The following PCDHGB4 variants were observed in gnomAD, a reference collection of about 807,000 sequenced individuals.
PCDHGB4 encodes the protein protocadherin gamma-B4.
Under a neutral mutation model 60.5 loss-of-function variants are expected in PCDHGB4, and 38 were observed. That is an observed-to-expected ratio of 0.63 (90% confidence interval 0.48 to 0.82). The LOEUF is 0.82. Among genes scored for constraint, PCDHGB4 ranks in the 40% least tolerant of loss-of-function variants. The pLI, the probability that PCDHGB4 is intolerant of heterozygous loss-of-function variation, is 0.00. For synonymous variants in PCDHGB4, 456 were observed against 509.7 expected (o/e 0.89, Z 1.42); for missense variants, 1,109 against 1,209.6 (o/e 0.92, Z 1.23).
chr5:141,427,805 A>G lies in PCDHGB4; in HGVS notation c.2397+37524A>G, dbSNP rs1010656936. The G allele has an allele frequency of 3.3e-6, 5 of 1,520,154 alleles. No homozygotes were observed. In the African/African-American group the frequency reaches 4.1e-5, roughly 12 times the overall value. 94.2% of individuals were successfully genotyped at this position (1,520,154 alleles called of 1,614,324 possible). ...TGTCGTCCTACGTGTCCGTGAGCGC[A>G]CAGAGCGGGGTGGTGGTCGCGCAGC... On this transcript the variant is annotated intron_variant, in intron 1 of 3. Coordinates refer to ENST00000519479, the MANE Select transcript of PCDHGB4 (RefSeq NM_003736.4).
intron 1 of PCDHGB4, among the ~76,000 whole-genome samples, chr5:141,437,922 G>A (rs1039507511): frequency 1.3e-5 from 2 of 152,106 alleles, no homozygotes; most frequent in Admixed American, 6.5e-5. Context: ...ATTTTTAGTA[G>A]AGATGGGGTT....
Position 141,485,072 on chromosome 5 carries a change from G to C in PCDHGB4, c.2398-9735G>C. 1.1e-6 allele frequency: 1 copy of C among 917,012 alleles called. No individual in the cohort carries two copies. The highest frequency in any genetic ancestry group is 1.7e-6 in the Non-Finnish European group (1 of 587,880). 56.8% of individuals were successfully genotyped at this position (917,012 alleles called of 1,614,324 possible). On this transcript the variant is annotated intron_variant, in intron 1 of 3. Coordinates refer to ENST00000519479, the MANE Select transcript of PCDHGB4 (RefSeq NM_003736.4). The surrounding 1 kb of genome is among the most constrained non-coding windows in gnomAD (Gnocchi z 5.7). ...CCGGCCGAACCGCGCCAGAGCTGGCGCGGGGAAAGGGAGATAGGTGTCTCC... is the reference window on the plus strand; with the variant it reads ...CCGGCCGAACCGCGCCAGAGCTGGCCCGGGGAAAGGGAGATAGGTGTCTCC...
At position 141,388,709 on chromosome 5, in the gene PCDHGB4, C is replaced by G. The variant is rs370023698; in HGVS notation, c.825C>G (p.Ala275=). Residue 275 remains alanine (A), a synonymous_variant, in exon 1 of 4, where the codon GCC becomes GCG. Coordinates refer to ENST00000519479, the MANE Select transcript of PCDHGB4 (RefSeq NM_003736.4). ...TATDQDEGVN[A]EITFSFSEAS... Reference sequence around the variant, plus strand: ...CGGACCAGGATGAGGGTGTCAATGCCGAGATTACTTTCTCTTTCAGTGAAG... The same window carrying G: ...CGGACCAGGATGAGGGTGTCAATGCGGAGATTACTTTCTCTTTCAGTGAAG... 1.4e-5 allele frequency: 22 copies of G among 1,613,938 alleles called. No individual in the cohort carries two copies. In the Admixed American group the frequency reaches 3.7e-4, roughly 27 times the overall value.
chr5:141,443,317 C>CAAA (rs35054295), intron 1 of PCDHGB4, among the ~76,000 whole-genome samples: 8 of 142,020 alleles, frequency 5.6e-5, no homozygotes, highest in African/African-American at 2.1e-4. Context: ...CCCATCTCTA[C>CAAA]AAAAAAAAAA....
Position 141,486,998 on chromosome 5 carries a change from C to T in PCDHGB4, c.2398-7809C>T. 1.2e-6 allele frequency: 2 copies of T among 1,614,206 alleles called. No individual in the cohort carries two copies. Among genetic ancestry groups the T allele is most frequent in the Non-Finnish European group, 1.7e-6 (2 of 1,180,034 alleles). On this transcript the variant is annotated intron_variant, in intron 1 of 3. Transcript: ENST00000519479. The surrounding 1 kb of genome is among the most constrained non-coding windows in gnomAD (Gnocchi z 5.0). The stretch of plus-strand genomic sequence containing the variant: ...AGGTTACAATGCTTGGGTTTCCTAT[C>T]AGCTCCTGGAGGCCCCAGATCCCAG...
At chr5:141,509,169 T>C (rs1321257504) in intron 3 of PCDHGB4, among the ~76,000 whole-genome samples, 2 of 152,174 alleles carry the variant, frequency 1.3e-5, no homozygotes, top group African/African-American at 4.8e-5. Context: ...TGTGCCCTCC[T>C]CCTCTTATGC....
At position 141,431,245 on chromosome 5, in the gene PCDHGB4, C is replaced by A. The variant is rs761126985; in HGVS notation, c.2397+40964C>A. The A allele has an allele frequency of 5.0e-6, 8 of 1,614,016 alleles. No individual in the cohort carries two copies. In the Admixed American group the frequency reaches 1.2e-4, roughly 24 times the overall value. On this transcript the variant is annotated intron_variant, in intron 1 of 3. Coordinates refer to ENST00000519479, the MANE Select transcript of PCDHGB4 (RefSeq NM_003736.4). This position sits in a 1 kb window ranked among gnomAD's most constrained non-coding sequence, Gnocchi z 4.8. ...TACCCCACGCCTGGGATCCGGATAT[C>A]GGGAAGAACTCTCTGCAGAGCTACG... is the stretch of plus-strand genomic sequence containing the variant.
chr5:141,425,795 T>A (rs2096894407), intron 1 of PCDHGB4, among the ~76,000 whole-genome samples: 1 of 152,244 alleles, frequency 6.6e-6, no homozygotes, highest in Non-Finnish European at 1.5e-5. Flanking sequence ...TTCCAATATG[T>A]GCATTGCTTC....
In PCDHGB4 at chr5:141,388,170, T is replaced by A. The variant is rs756859307; in HGVS notation, c.286T>A (p.Cys96Ser). Residue 96 changes from cysteine to serine, a missense_variant, in exon 1 of 4, where the codon TGC (cysteine) becomes AGC (serine). Cys to Ser is a moderately radical substitution (Grantham distance 112). Coordinates refer to ENST00000519479, the MANE Select transcript of PCDHGB4 (RefSeq NM_003736.4). Reference sequence around the variant, plus strand: ...CAGCAGGCTAGACAGGGAGGAGATATGCGGGAAGAAGCCAGCTTGTGCTCT... The same window carrying A: ...CAGCAGGCTAGACAGGGAGGAGATAAGCGGGAAGAAGCCAGCTTGTGCTCT... ...VSSRLDREEI[C>S]GKKPACALEF... 1 of 1,495,754 alleles carries A rather than the reference T, an allele frequency of 6.7e-7. No individual in the cohort carries two copies. The highest frequency in any genetic ancestry group is 2.3e-5 in the East Asian group (1 of 43,584). The allele number at this position is 1,495,754 out of a possible 1,614,324, so 92.7% of individuals were successfully genotyped here. A position where few individuals can be genotyped will look rare whatever the true frequency, so the allele number is the denominator to read the frequency against.
At position 141,431,209 on chromosome 5, in the gene PCDHGB4, G is replaced by C; in HGVS notation, c.2397+40928G>C. Reference sequence around the variant, plus strand: ...TTAGTGAAAATGCAGCCACTGAGATGCGGTTCCCTCTACCCCACGCCTGGG... The same window carrying C: ...TTAGTGAAAATGCAGCCACTGAGATCCGGTTCCCTCTACCCCACGCCTGGG... On this transcript the variant is annotated intron_variant, in intron 1 of 3. Coordinates refer to ENST00000519479, the MANE Select transcript of PCDHGB4 (RefSeq NM_003736.4). The surrounding 1 kb of genome is among the most constrained non-coding windows in gnomAD (Gnocchi z 4.8). 6.2e-7 allele frequency: 1 copy of C among 1,614,190 alleles called. No homozygotes were observed. Among genetic ancestry groups the C allele is most frequent in the Non-Finnish European group, 8.5e-7 (1 of 1,180,038 alleles).
chr5:141,487,314 A>G lies in PCDHGB4; in HGVS notation c.2398-7493A>G. ...GGCTCATTCGTGGCACTACTCTCTAAGTGTCTTCGTGGGGCAGCCTGTGGA... is the reference window on the plus strand; with the variant it reads ...GGCTCATTCGTGGCACTACTCTCTAGGTGTCTTCGTGGGGCAGCCTGTGGA... On this transcript the variant is annotated intron_variant, in intron 1 of 3. Transcript: ENST00000519479. The surrounding 1 kb of genome is among the most constrained non-coding windows in gnomAD (Gnocchi z 5.0). The G allele has an allele frequency of 6.2e-7, 1 of 1,614,002 alleles. No individual in the cohort carries two copies. Among genetic ancestry groups the G allele is most frequent in the African/African-American group, 1.3e-5 (1 of 74,994 alleles).
intron 1 of PCDHGB4, chr5:141,393,417 A>C: frequency 6.2e-7 from 1 of 1,614,032 alleles, no homozygotes; most frequent in Non-Finnish European, 8.5e-7. Context: ...CGCCCTGGAC[A>C]GGGAGGAAGA....
chr5:141,416,169 TAA>T (rs1350204040), intron 1 of PCDHGB4: 1 of 152,706 alleles, frequency 6.5e-6, no homozygotes, highest in African/African-American at 2.4e-5. Flanking sequence ...TTGAATATAC[TAA>T]GTTTTTCATT....
chr5:141,473,975 G>T (rs188916402), intron 1 of PCDHGB4, among the ~76,000 whole-genome samples: 1 of 152,104 alleles, frequency 6.6e-6, no homozygotes, highest in Non-Finnish European at 1.5e-5. Flanking sequence ...AGTCTGAGGC[G>T]GGAGGATCCC....
rs753702657 is a variant in PCDHGB4 at position 141,415,195 on chromosome 5, C to G, written c.2397+24914C>G. ...CGTGGCCGTGGCCGACAGCATCCCC[C>G]AAGTCCTGGCGGACCTCGGCAGCTT... On this transcript the variant is annotated intron_variant, in intron 1 of 3. Transcript: ENST00000519479. 5 of 1,614,058 alleles carry G rather than the reference C, an allele frequency of 3.1e-6. No individual in the cohort carries two copies. The highest frequency in any genetic ancestry group is 1.1e-5 in the South Asian group (1 of 91,090).
At chr5:141,394,268 C>G in intron 1 of PCDHGB4, 1 of 1,613,946 alleles carries the variant, frequency 6.2e-7, no homozygotes, top group African/African-American at 1.3e-5. Flanking sequence ...AGGAGAATGC[C>G]CAGGTCACTT....
intron 1 of PCDHGB4, chr5:141,475,814 TC>T: frequency 3.0e-6 from 1 of 338,520 alleles, no homozygotes; most frequent in Non-Finnish European, 5.4e-6. Flanking sequence ...AAAGTGAAGT[TC>T]CTGGCGCTAG....
At chr5:141,414,489 G>C (rs754325517) in intron 1 of PCDHGB4, 2 of 1,613,872 alleles carry the variant, frequency 1.2e-6, no homozygotes, top group South Asian at 2.2e-5. Context: ...CTCTATCAAC[G>C]GAAGCTCACT....
At chr5:141,497,013 A>G (rs2099773320) in intron 2 of PCDHGB4, among the ~76,000 whole-genome samples, 1 of 151,990 alleles carries the variant, frequency 6.6e-6, no homozygotes, top group Admixed American at 6.6e-5. Context: ...ACATGGTGAA[A>G]CCCCATCTCG....
Sources: allele counts gnomAD v4.1 joint callset (sites outside exome capture counted in the v4.1 genomes callset), GRCh38; gene constraint gnomAD v4.1.1; non-coding constraint Gnocchi (gnomAD v3.1); transcripts MANE v1.5; gene names NCBI Gene and HGNC (gene_info 2026-07-23, HGNC 2026-07-21).